Variants in FAM184A observed in about 807,000 individuals in gnomAD.
FAM184A encodes the protein family with sequence similarity 184 member A.
FAM184A carries 99 observed loss-of-function variants against 143.8 expected under a neutral mutation model. The ratio of observed to expected loss-of-function variants is 0.69; its 90% confidence interval spans 0.58 to 0.81. The LOEUF (loss-of-function observed/expected upper bound fraction) is 0.81. FAM184A is among the 40% of genes least tolerant of loss of function. The probability of loss-of-function intolerance (pLI) is 0.00; values close to 1 mark genes in which losing one functional copy is unlikely to be tolerated. For synonymous variants in FAM184A, 427 were observed against 446.4 expected, an observed-to-expected ratio of 0.96 and a Z score of 0.55; for missense variants, 1,217 against 1,310.5, an observed-to-expected ratio of 0.93 and a Z score of 1.10.
chr6:119,104,430 A>T lies in FAM184A; in HGVS notation c.-202+44648T>A, dbSNP rs563173839. On this transcript the variant is annotated intron_variant, in intron 1 of 16. Transcript: ENST00000352896. ...GAACTTAAACCTCTTGAGGGCAAGG[A>T]TAATGTCTCAGGTTTGCATTCCCAG... Among the ~76,000 whole-genome samples, 25 of 152,356 alleles carry T rather than the reference A, an allele frequency of 1.6e-4. No individual in the cohort carries two copies. The South Asian group carries it at 5.0e-3, about 30-fold the overall frequency.
intron 16 of FAM184A, chr6:118,963,154 A>G (rs1213163585): frequency 6.6e-6 from 1 of 152,102 alleles, no homozygotes; most frequent in Non-Finnish European, 1.5e-5. Context: ...TCTTACAAAG[A>G]TGTATCTTTT....
At chr6:119,073,097 A>T (rs1210912355) in intron 1 of FAM184A, among the ~76,000 whole-genome samples, 4 of 152,222 alleles carry the variant, frequency 2.6e-5, no homozygotes. Flanking sequence ...TAAACACAAT[A>T]AACAGTATTT....
chr6:119,048,651 T>C (rs1786627315), intron 1 of FAM184A, among the ~76,000 whole-genome samples: 1 of 151,972 alleles, frequency 6.6e-6, no homozygotes, highest in South Asian at 2.1e-4. Flanking sequence ...AAGAATAAAA[T>C]ACCTAAGAAT....
chr6:119,053,749 C>A (rs1786852903), intron 1 of FAM184A, among the ~76,000 whole-genome samples: 1 of 152,118 alleles, frequency 6.6e-6, no homozygotes, highest in South Asian at 2.1e-4. Context: ...ACCTGCTTTA[C>A]TAAATACAAA....
At chr6:118,967,536 G>T (rs1583761777) in intron 14 of FAM184A, among the ~76,000 whole-genome samples, 1 of 152,268 alleles carries the variant, frequency 6.6e-6, no homozygotes, top group East Asian at 1.9e-4. Flanking sequence ...GGTAAGAGAA[G>T]AATTATGTTC....
At chr6:118,961,029 A>G (rs563857893) in intron 17 of FAM184A, among the ~76,000 whole-genome samples, 22 of 152,286 alleles carry the variant, frequency 1.4e-4, no homozygotes, top group African/African-American at 5.3e-4. Flanking sequence ...TTGTAAGACT[A>G]TTACTAGTGA....
chr6:119,019,986 G>T lies in FAM184A; in HGVS notation c.1324C>A (p.Leu442Met). Reference sequence around the variant, plus strand: ...TGTCCATTACTTTTTACCTTCTCCAGTTCTAGAATCTGTTGCTTCTGCTCT... The same window carrying T: ...TGTCCATTACTTTTTACCTTCTCCATTTCTAGAATCTGTTGCTTCTGCTCT... ...DEEQKQQILE[L>M]EKKVNEAKRT... The change falls in exon 4 of 18, where the codon CTG becomes ATG. Residue 442 changes from leucine to methionine, a missense_variant. Physicochemically the swap from Leu to Met is conservative, Grantham distance 15. Transcript: ENST00000338891. The T allele has an allele frequency of 1.3e-6, 2 of 1,576,036 alleles. No homozygotes were observed. The highest frequency in any genetic ancestry group is 1.7e-6 in the Non-Finnish European group (2 of 1,166,386).
At chr6:119,062,585 G>C (rs975428076) in intron 1 of FAM184A, among the ~76,000 whole-genome samples, 1 of 152,138 alleles carries the variant, frequency 6.6e-6, no homozygotes, top group African/African-American at 2.4e-5. Flanking sequence ...CCTGCGCCTG[G>C]AAAGGTTGAG....
chr6:119,138,817 G>T (rs1015945332), intron 1 of FAM184A, among the ~76,000 whole-genome samples: 4 of 152,050 alleles, frequency 2.6e-5, no homozygotes, highest in Admixed American at 6.6e-5. Flanking sequence ...AGTAGAGACG[G>T]GGTTTCTCCA....
At chr6:119,020,771 T>A (rs560247016) in intron 3 of FAM184A, among the ~76,000 whole-genome samples, 69 of 152,176 alleles carry the variant, frequency 4.5e-4, no homozygotes, top group African/African-American at 1.6e-3. Flanking sequence ...GCCCAGGAGT[T>A]CAAGGTTGCA....
At chr6:119,102,422 T>C (rs766781793) in intron 1 of FAM184A, among the ~76,000 whole-genome samples, 3 of 152,102 alleles carry the variant, frequency 2.0e-5, no homozygotes, top group Non-Finnish European at 4.4e-5. Context: ...GCAATAGGAA[T>C]CATAGTAAAT....
At chr6:119,064,908 C>T (rs78241183) in intron 1 of FAM184A, among the ~76,000 whole-genome samples, 1,997 of 152,244 alleles carry the variant, frequency 0.013, 39 homozygotes, top group African/African-American at 0.046. Flanking sequence ...ATGCTAATGA[C>T]TTTAACAATT....
intron 1 of FAM184A, among the ~76,000 whole-genome samples, chr6:119,124,290 C>A (rs1789299883): frequency 6.6e-6 from 1 of 152,122 alleles, no homozygotes; most frequent in Non-Finnish European, 1.5e-5. Context: ...TTATATATGT[C>A]AACTATGTAA....
intron 9 of FAM184A, among the ~76,000 whole-genome samples, chr6:118,981,422 C>T (rs1022804133): frequency 6.6e-6 from 1 of 152,194 alleles, no homozygotes; most frequent in South Asian, 2.1e-4. Context: ...ACTGGTAAAA[C>T]AGTTTCTGCG....
chr6:119,100,939 A>ACAGAG (rs1425104916), intron 1 of FAM184A, among the ~76,000 whole-genome samples: 1 of 151,994 alleles, frequency 6.6e-6, no homozygotes, highest in Non-Finnish European at 1.5e-5. Flanking sequence ...AGCCTGGGCA[A>ACAGAG]CAGAGCAAGA....
chr6:119,113,979 T>C (rs190364456), intron 1 of FAM184A, among the ~76,000 whole-genome samples: 19 of 152,260 alleles, frequency 1.2e-4, no homozygotes, highest in African/African-American at 4.6e-4. Flanking sequence ...TTACAGTATA[T>C]TGTTATAATT....
At chr6:118,978,483 C>G (rs1366527705) in intron 11 of FAM184A, among the ~76,000 whole-genome samples, 9 of 152,206 alleles carry the variant, frequency 5.9e-5, no homozygotes, top group South Asian at 2.1e-4. Context: ...TCAGCAATCT[C>G]TAGCACATGA....
At chr6:119,004,288 G>A (rs1784856988) in intron 7 of FAM184A, among the ~76,000 whole-genome samples, 1 of 152,218 alleles carries the variant, frequency 6.6e-6, no homozygotes, top group African/African-American at 2.4e-5. Flanking sequence ...AGGCAGAAGA[G>A]GAGCAGATGA....
chr6:119,122,288 A>G (rs1789236289), intron 1 of FAM184A, among the ~76,000 whole-genome samples: 1 of 152,168 alleles, frequency 6.6e-6, no homozygotes, highest in African/African-American at 2.4e-5. Context: ...AGGAATTCAG[A>G]TATTGTTGGT....
Sources: allele counts gnomAD v4.1 joint callset (sites outside exome capture counted in the v4.1 genomes callset), GRCh38; gene constraint gnomAD v4.1.1; transcripts MANE v1.5; gene names NCBI Gene and HGNC (gene_info 2026-07-23, HGNC 2026-07-21).